SEC14L2: variants seen among roughly 807,000 people sequenced by gnomAD.
SEC14L2 encodes SEC14 like lipid binding 2, also known as SEC14-like protein 2.
Under a neutral mutation model 56.9 loss-of-function variants are expected in SEC14L2, and 50 were observed. The observed-to-expected ratio is 0.88, with a 90% confidence interval of 0.70 to 1.11. The LOEUF (loss-of-function observed/expected upper bound fraction) is 1.11, where lower values mean the gene tolerates loss of function less well. Among genes scored for constraint, SEC14L2 ranks in the 50% most tolerant of loss-of-function variants. The pLI is 0.00. For synonymous variants in SEC14L2, 179 were observed against 188.5 expected, an observed-to-expected ratio of 0.95 and a Z score of 0.41; for missense variants, 414 against 500.7, an observed-to-expected ratio of 0.83 and a Z score of 1.65.
At chr22:30,400,078 TG>T (rs1386015402) in intron 2 of SEC14L2, among the ~76,000 whole-genome samples, 3 of 152,188 alleles carry the variant, frequency 2.0e-5, no homozygotes, top group East Asian at 3.8e-4. Flanking sequence ...CCCAGCCATG[TG>T]GGGGGTCGGA....
intron 2 of SEC14L2, among the ~76,000 whole-genome samples, chr22:30,401,249 GC>G (rs1933925140): frequency 6.6e-6 from 1 of 150,980 alleles, no homozygotes; most frequent in African/African-American, 2.4e-5. Flanking sequence ...TTGCTCTGTT[GC>G]CCAGGCTGGA....
chr22:30,421,465 C>A (rs1020316420), intron 11 of SEC14L2: 3 of 152,226 alleles, frequency 2.0e-5, no homozygotes, highest in African/African-American at 7.2e-5. Context: ...TTCTGTGGAG[C>A]TAACCTCTTT....
intron 11 of SEC14L2, among the ~76,000 whole-genome samples, chr22:30,418,868 T>C (rs1025981056): frequency 3.9e-5 from 6 of 152,388 alleles, no homozygotes; most frequent in African/African-American, 1.4e-4. Context: ...AAATTAAAAC[T>C]GTGCCAGCCT....
At chr22:30,419,343 A>G (rs1416795741) in intron 11 of SEC14L2, among the ~76,000 whole-genome samples, 1 of 152,174 alleles carries the variant, frequency 6.6e-6, no homozygotes, top group African/African-American at 2.4e-5. Flanking sequence ...CTCGAGGCCA[A>G]CAGTTCGAGA....
Position 30,425,036 on chromosome 22 carries a change from G to C in SEC14L2, c.*2629G>C, listed in dbSNP as rs1022839593. ...AGAGTCCAGGCACCTACCTCCCAGG[G>C]GCTCACCGTTCACTCCTCTAGCCTC... On this transcript the variant is annotated 3_prime_UTR_variant, in exon 12 of 12. Coordinates refer to ENST00000615189, the MANE Select transcript of SEC14L2 (RefSeq NM_012429.5). 1.7e-5 allele frequency: 6 copies of C among 347,856 alleles called. No homozygotes were observed. Among genetic ancestry groups the C allele is most frequent in the Non-Finnish European group, 3.4e-5 (6 of 175,986 alleles). 21.5% of individuals were successfully genotyped at this position (347,856 alleles called of 1,614,324 possible).
In SEC14L2 at chr22:30,424,646, G is replaced by T; in HGVS notation, c.*2239G>T. 4.4e-6 allele frequency: 2 copies of T among 454,380 alleles called. No homozygotes were observed. Among genetic ancestry groups the T allele is most frequent in the East Asian group, 1.4e-4 (2 of 14,388 alleles). 28.1% of individuals were successfully genotyped at this position (454,380 alleles called of 1,614,324 possible). A position where few individuals can be genotyped will look rare whatever the true frequency, so the allele number is the denominator to read the frequency against. ...GTATAAGTAAGTGCTCGTCAATGTT[G>T]GCTACTCTCATTTTTTTTGCAGACG... On this transcript the variant is annotated 3_prime_UTR_variant, in exon 12 of 12. Transcript: ENST00000615189.
chr22:30,401,678 T>TG (rs1157791914), intron 2 of SEC14L2, among the ~76,000 whole-genome samples: 6 of 80,798 alleles, frequency 7.4e-5, no homozygotes, highest in East Asian at 1.0e-3. Context: ...CACGCCCGGC[T>TG]AATTTTTTTT....
At chr22:30,402,270 T>G (rs934189234) in intron 2 of SEC14L2, among the ~76,000 whole-genome samples, 1 of 152,092 alleles carries the variant, frequency 6.6e-6, no homozygotes, top group African/African-American at 2.4e-5. Context: ...AAAGGGCCAG[T>G]TGCAAAATGA....
At chr22:30,402,331 C>T (rs1272901285) in intron 2 of SEC14L2, among the ~76,000 whole-genome samples, 1 of 152,122 alleles carries the variant, frequency 6.6e-6, no homozygotes, top group African/African-American at 2.4e-5. Context: ...TTTCTGAGAG[C>T]CACTGAACAG....
Position 30,397,078 on chromosome 22 carries a change from C to A in SEC14L2, c.-39C>A. On this transcript the variant is annotated 5_prime_UTR_variant, in exon 1 of 12. Transcript: ENST00000615189. ...GCTCCATCAGCTGCCGCACCCGCCG[C>A]CTCCCGCCCCCAAACCCCATCCCCG... The A allele has an allele frequency of 6.5e-7, 1 of 1,538,302 alleles. No individual in the cohort carries two copies. The highest frequency in any genetic ancestry group is 8.8e-7 in the Non-Finnish European group (1 of 1,137,318).
intron 1 of SEC14L2, 46 bp from the exon 2 acceptor site, chr22:30,399,597 C>A: frequency 6.9e-7 from 1 of 1,440,958 alleles, no homozygotes; most frequent in South Asian, 1.2e-5. Context: ...CAGAGGGCAG[C>A]AGTCAGGGCG....
intron 5 of SEC14L2, 79 bp downstream of exon 5, chr22:30,407,682 T>A: frequency 7.4e-7 from 1 of 1,348,054 alleles, no homozygotes; most frequent in South Asian, 1.4e-5. Context: ...CACACAGGAA[T>A]ATAAGCACAG....
rs1001739480 is a variant in SEC14L2 at position 30,397,023 on chromosome 22, T to C, written c.-94T>C. The C allele has an allele frequency of 1.6e-5, 19 of 1,193,226 alleles. No individual in the cohort carries two copies. In the African/African-American group the frequency reaches 2.0e-4, roughly 13 times the overall value. 73.9% of individuals were successfully genotyped at this position (1,193,226 alleles called of 1,614,324 possible). ...CGGCCCGGGCAAAAGGCTGGGACTT[T>C]ACTCCGGGTGGCGGCGAGGACGAGT... On this transcript the variant is annotated 5_prime_UTR_variant, in exon 1 of 12. Coordinates refer to ENST00000615189, the MANE Select transcript of SEC14L2 (RefSeq NM_012429.5).
intron 1 of SEC14L2, 36 bp downstream of exon 1, chr22:30,397,206 G>A (rs1336629806): frequency 1.3e-6 from 2 of 1,483,298 alleles, no homozygotes; most frequent in African/African-American, 1.4e-5. Context: ...CCCGCCTCGG[G>A]CTGTGGCCCT....
At chr22:30,419,969 T>C (rs555203032) in intron 11 of SEC14L2, among the ~76,000 whole-genome samples, 1 of 151,748 alleles carries the variant, frequency 6.6e-6, no homozygotes, top group African/African-American at 2.4e-5. Context: ...TTTTTTTTTT[T>C]TGAGACAGAG....
At chr22:30,400,681 G>A (rs1933902339) in intron 2 of SEC14L2, among the ~76,000 whole-genome samples, 1 of 151,824 alleles carries the variant, frequency 6.6e-6, no homozygotes, top group Non-Finnish European at 1.5e-5. Context: ...ATCACTTGAG[G>A]CCAGGACTTC....
chr22:30,407,191 GC>G (rs766188362), intron 4 of SEC14L2, 37 bp downstream of exon 4: 2 of 1,610,442 alleles, frequency 1.2e-6, no homozygotes, highest in Admixed American at 3.3e-5. Flanking sequence ...CCTATGCTAG[GC>G]CTTTCAGACC....
At chr22:30,416,677 GC>G (rs1934400289) in intron 11 of SEC14L2, 1 of 1,420,180 alleles carries the variant, frequency 7.0e-7, no homozygotes, top group Non-Finnish European at 9.2e-7. Context: ...CAACACGTCT[GC>G]TTTCTGGTCC....
intron 2 of SEC14L2, among the ~76,000 whole-genome samples, chr22:30,403,626 T>C (rs1934001028): frequency 6.6e-6 from 1 of 152,160 alleles, no homozygotes; most frequent in Admixed American, 6.5e-5. Context: ...TGCTGGATGT[T>C]GGGCCTTGGC....
Sources: gnomAD v4.1 joint callset for allele counts (sites outside exome capture counted in the v4.1 genomes callset) on GRCh38, gnomAD v4.1.1 for gene constraint, MANE v1.5 for transcripts, NCBI Gene and HGNC (gene_info 2026-07-23, HGNC 2026-07-21) for gene names.